Variants in PDE7B observed in about 807,000 individuals in gnomAD.
The protein encoded by PDE7B is phosphodiesterase 7B.
In PDE7B, 29 loss-of-function variants were observed where a neutral mutation model predicts 56.2. The ratio of observed to expected loss-of-function variants is 0.52; its 90% CI spans 0.38 to 0.70. The LOEUF (loss-of-function observed/expected upper bound fraction) is 0.70, where lower values mean the gene tolerates loss of function less well. Among genes scored for constraint, PDE7B ranks in the 30% least tolerant of loss-of-function variants. The probability of loss-of-function intolerance (pLI) is 0.00; values close to 1 mark genes in which losing one functional copy is unlikely to be tolerated. For synonymous variants in PDE7B, 197 were observed against 196.9 expected (o/e 1.00, Z 0.00); for missense variants, 490 against 565.0 (o/e 0.87, Z 1.35).
In PDE7B at chr6:136,107,656, G is replaced by A. The variant is rs115971757; in HGVS notation, c.83-1075G>A. Among the ~76,000 whole-genome samples the A allele has an allele frequency of 4.2e-3, 641 of 152,222 alleles. 2 individuals are homozygous for A. The highest frequency in any genetic ancestry group is 0.015 in the African/African-American group (606 of 41,544). Reference sequence around the variant, plus strand: ...CTTAACTTTATTTTATAAATGAGGCGTCTGAGGCTCAGAGAAATAAATCTG... The same window carrying A: ...CTTAACTTTATTTTATAAATGAGGCATCTGAGGCTCAGAGAAATAAATCTG... On this transcript the variant is annotated intron_variant, in intron 2 of 12. Transcript: ENST00000308191.
intron 1 of PDE7B, among the ~76,000 whole-genome samples, chr6:135,902,526 C>G (rs947584): frequency 0.65 from 98,474 of 151,890 alleles, 32,362 homozygotes; most frequent in African/African-American, 0.75. Context: ...ATTTTGAGCA[C>G]TCTCTAAGCA....
intron 1 of PDE7B, among the ~76,000 whole-genome samples, chr6:135,887,032 T>G (rs1382531811): frequency 6.6e-6 from 1 of 152,096 alleles, no homozygotes; most frequent in East Asian, 1.9e-4. Context: ...ACATCTGTTG[T>G]TTTTTGTCTT....
At chr6:136,000,367 G>T (rs1342033908) in intron 2 of PDE7B, among the ~76,000 whole-genome samples, 1 of 152,112 alleles carries the variant, frequency 6.6e-6, no homozygotes, top group Non-Finnish European at 1.5e-5. Flanking sequence ...GTCTTCCATG[G>T]TTTTTATAGT....
chr6:135,951,220 C>T (rs1044056545), intron 2 of PDE7B, among the ~76,000 whole-genome samples: 1 of 152,066 alleles, frequency 6.6e-6, no homozygotes, highest in African/African-American at 2.4e-5. Context: ...CTCCACCTTC[C>T]TTTTTATAAA....
At chr6:136,010,723 C>A (rs767949499) in intron 2 of PDE7B, among the ~76,000 whole-genome samples, 13 of 152,018 alleles carry the variant, frequency 8.6e-5, no homozygotes, top group Non-Finnish European at 1.6e-4. Flanking sequence ...CTGGGTCCCT[C>A]CCTTGACACA....
chr6:135,852,852 C>T (rs1333645461), intron 1 of PDE7B, among the ~76,000 whole-genome samples: 2 of 152,200 alleles, frequency 1.3e-5, no homozygotes, highest in African/African-American at 4.8e-5. Context: ...TCTTCATGTG[C>T]TCTAGCCAGA....
At chr6:135,928,429 T>TTTTA (rs1554267438) in intron 1 of PDE7B, among the ~76,000 whole-genome samples, 4 of 103,060 alleles carry the variant, frequency 3.9e-5, no homozygotes, top group South Asian at 3.1e-4. Flanking sequence ...GAAAATGTGA[T>TTTTA]TATATATATA....
intron 2 of PDE7B, chr6:136,043,730 G>A (rs1776451453): frequency 6.6e-6 from 1 of 151,908 alleles, no homozygotes; most frequent in Non-Finnish European, 1.5e-5. Context: ...ATGGCCCTTG[G>A]TCAAATCTCA....
chr6:136,150,036 A>G lies in PDE7B; in HGVS notation c.382+886A>G, dbSNP rs193247090. ...GGTAAACTAAGTTACCTGTGAACAA[A>G]AGAACTTGTTCAATGGTATTTGTTT... On this transcript the variant is annotated intron_variant, in intron 5 of 12. Coordinates refer to ENST00000308191, the MANE Select transcript of PDE7B (RefSeq NM_018945.4). Among the ~76,000 whole-genome samples the G allele has an allele frequency of 2.8e-3, 422 of 152,342 alleles. 1 individual carries two copies. The highest frequency in any genetic ancestry group is 4.4e-3 in the Non-Finnish European group (298 of 68,032).
At chr6:136,005,604 A>C (rs1775767305) in intron 2 of PDE7B, among the ~76,000 whole-genome samples, 1 of 152,260 alleles carries the variant, frequency 6.6e-6, no homozygotes, top group African/African-American at 2.4e-5. Context: ...ACATGAAAAA[A>C]TGCTCACCTT....
At position 136,152,539 on chromosome 6, in the gene PDE7B, C is replaced by A. The variant is rs111467333; in HGVS notation, c.478+1284C>A. On this transcript the variant is annotated intron_variant, in intron 6 of 12. Transcript: ENST00000308191. ...TGGCAGAATATGAGCCCAAGCCTAG[C>A]TCTGTCGACTTGGGAGTCCACCATC... Among the ~76,000 whole-genome samples the A allele has an allele frequency of 1.0e-2, 1,522 of 152,322 alleles. 21 individuals carry two copies. The highest frequency in any genetic ancestry group is 0.034 in the African/African-American group (1,418 of 41,546).
chr6:136,112,195 T>G (rs1777761382), intron 3 of PDE7B, among the ~76,000 whole-genome samples: 1 of 151,984 alleles, frequency 6.6e-6, no homozygotes, highest in Non-Finnish European at 1.5e-5. Context: ...ACAGCCCCAG[T>G]TTGTCACAGG....
intron 12 of PDE7B, among the ~76,000 whole-genome samples, chr6:136,189,774 T>C (rs1421018169): frequency 1.3e-5 from 2 of 151,050 alleles, no homozygotes; most frequent in Admixed American, 1.3e-4. Flanking sequence ...CCCAGCAATG[T>C]CAGCTCATCC....
At chr6:135,930,609 G>A (rs1017531692) in intron 1 of PDE7B, among the ~76,000 whole-genome samples, 8 of 152,234 alleles carry the variant, frequency 5.3e-5, no homozygotes, top group South Asian at 2.1e-4. Context: ...AAAAGGACTC[G>A]GCAATGCATT....
chr6:135,961,170 T>G (rs1041762216), intron 2 of PDE7B, among the ~76,000 whole-genome samples: 3 of 152,180 alleles, frequency 2.0e-5, no homozygotes, highest in Non-Finnish European at 2.9e-5. Flanking sequence ...TTCTTATACA[T>G]GTCTTTTTGT....
At chr6:136,002,539 G>A (rs1192943063) in intron 2 of PDE7B, among the ~76,000 whole-genome samples, 1 of 152,062 alleles carries the variant, frequency 6.6e-6, no homozygotes, top group East Asian at 1.9e-4. Context: ...AAAAAAGGCA[G>A]GGGTTGCAAT....
At chr6:135,997,079 G>T (rs1225571250) in intron 2 of PDE7B, among the ~76,000 whole-genome samples, 5 of 151,892 alleles carry the variant, frequency 3.3e-5, no homozygotes, top group African/African-American at 1.2e-4. Flanking sequence ...TTTATTCTCG[G>T]TTTTTTTGTT....
At chr6:135,897,922 T>G (rs1775931980) in intron 1 of PDE7B, among the ~76,000 whole-genome samples, 1 of 152,182 alleles carries the variant, frequency 6.6e-6, no homozygotes, top group Admixed American at 6.5e-5. Context: ...TCCTTGAGCT[T>G]CTTGCGCTGC....
chr6:136,001,294 T>A (rs899490934), intron 2 of PDE7B, among the ~76,000 whole-genome samples: 4 of 152,044 alleles, frequency 2.6e-5, no homozygotes, highest in African/African-American at 7.2e-5. Context: ...GCAGAGCACC[T>A]CTCCTCCTCC....
Sources: gnomAD v4.1 joint callset for allele counts (sites outside exome capture counted in the v4.1 genomes callset) on GRCh38, gnomAD v4.1.1 for gene constraint, MANE v1.5 for transcripts, NCBI Gene and HGNC (gene_info 2026-07-23, HGNC 2026-07-21) for gene names.